EIF3H: variants seen among roughly 807,000 people sequenced by gnomAD.
The protein encoded by EIF3H is eukaryotic translation initiation factor 3 subunit H.
EIF3H carries 26 observed loss-of-function variants against 44.2 expected under a neutral mutation model. The ratio of observed to expected loss-of-function variants is 0.59; its 90% CI spans 0.43 to 0.82. The LOEUF (loss-of-function observed/expected upper bound fraction) is 0.82, where lower values mean the gene tolerates loss of function less well. EIF3H is among the 40% of genes least tolerant of loss of function. EIF3H has a pLI of 0.00. For synonymous variants in EIF3H, 166 were observed against 151.9 expected (o/e 1.09, Z -0.68); for missense variants, 359 against 432.8 (o/e 0.83, Z 1.51).
chr8:116,656,995 C>A (rs1813501558), intron 4 of EIF3H, among the ~76,000 whole-genome samples: 1 of 152,122 alleles, frequency 6.6e-6, no homozygotes, highest in African/African-American at 2.4e-5. Flanking sequence ...CCCATTCTAA[C>A]TGAATTCACC....
rs1320321888 is a variant in EIF3H at position 116,642,917 on chromosome 8, C to G, written c.*2089G>C. 6.6e-6 allele frequency: 1 copy of G among 152,098 alleles called. No homozygotes were observed. The highest frequency in any genetic ancestry group is 1.5e-5 in the Non-Finnish European group (1 of 68,034). The allele number at this position is 152,098 out of a possible 1,614,324, so 9.4% of individuals were successfully genotyped here. A position where few individuals can be genotyped will look rare whatever the true frequency, so the allele number is the denominator to read the frequency against. On this transcript the variant is annotated 3_prime_UTR_variant, in exon 8 of 8. Transcript: ENST00000521861. ...TTCATTAAGTGTGTATTCATGTTAC[C>G]AAGATATAGAAATCTAAACAATCAT...
At chr8:116,718,308 G>T (rs1044195000) in intron 2 of EIF3H, among the ~76,000 whole-genome samples, 6 of 152,090 alleles carry the variant, frequency 3.9e-5, no homozygotes, top group African/African-American at 1.2e-4. Flanking sequence ...ACAGTGTGTG[G>T]TGACTGCTTA....
At chr8:116,756,250 G>T (rs1399030924), upstream of EIF3H, among the ~76,000 whole-genome samples, 1 of 152,188 alleles carries the variant, frequency 6.6e-6, no homozygotes, top group Admixed American at 6.5e-5. Flanking sequence ...TGCACAGCTT[G>T]TTTTACGTAA....
intron 1 of EIF3H, among the ~76,000 whole-genome samples, chr8:116,741,832 A>G (rs1262580017): frequency 1.3e-5 from 2 of 152,212 alleles, no homozygotes; most frequent in East Asian, 3.8e-4. Context: ...TCTTTCACTG[A>G]CTGGTCTGTG....
chr8:116,644,186 T>C lies in EIF3H; in HGVS notation c.*820A>G, dbSNP rs546539780. 2.0e-5 allele frequency: 3 copies of C among 152,486 alleles called. No individual in the cohort carries two copies. The highest frequency in any genetic ancestry group is 2.1e-4 in the South Asian group (1 of 4,834). 9.4% of individuals were successfully genotyped at this position (152,486 alleles called of 1,614,324 possible). ...AGGTGAATCACTTGAGGTCAGGAGA[T>C]GCAGACCAGCCTGGCCAACATGGTG... On this transcript the variant is annotated 3_prime_UTR_variant, in exon 8 of 8. Coordinates refer to ENST00000521861, the MANE Select transcript of EIF3H (RefSeq NM_003756.3).
At chr8:116,663,524 T>C (rs958210343) in intron 2 of EIF3H, among the ~76,000 whole-genome samples, 3 of 152,180 alleles carry the variant, frequency 2.0e-5, no homozygotes, top group African/African-American at 7.2e-5. Context: ...TATTTTAAAA[T>C]TCATAATGTT....
chr8:116,695,664 G>A (rs867220213), intron 2 of EIF3H, among the ~76,000 whole-genome samples: 2 of 152,144 alleles, frequency 1.3e-5, no homozygotes, highest in Non-Finnish European at 2.9e-5. Flanking sequence ...CATCTGAGCA[G>A]GGTAAGGAAG....
chr8:116,658,647 G>T, intron 3 of EIF3H, 166 bp downstream of exon 3: 1 of 578,748 alleles, frequency 1.7e-6, no homozygotes, highest in Non-Finnish European at 2.8e-6. Context: ...TAAACAGAAA[G>T]AAGGAAACCC....
At chr8:116,749,218 T>C (rs1815288201) in intron 1 of EIF3H, among the ~76,000 whole-genome samples, 1 of 152,154 alleles carries the variant, frequency 6.6e-6, no homozygotes, top group Admixed American at 6.5e-5. Flanking sequence ...AGGGTTATCA[T>C]CTCAATGAGA....
At chr8:116,666,949 A>G (rs1041818524) in intron 2 of EIF3H, among the ~76,000 whole-genome samples, 5 of 152,204 alleles carry the variant, frequency 3.3e-5, no homozygotes, top group Admixed American at 1.3e-4. Flanking sequence ...CTGGGAAAGT[A>G]TAAGTGTGTG....
chr8:116,765,519 A>C (rs1303232716), exon 1 of EIF3H: 2 of 152,204 alleles, frequency 1.3e-5, no homozygotes, highest in African/African-American at 4.8e-5. Context: ...TTTTACCTTG[A>C]AGTGGATACT....
At position 116,655,932 on chromosome 8, in the gene EIF3H, T is replaced by A; in HGVS notation, c.631A>T (p.Ile211Phe). 6.2e-7 allele frequency: 1 copy of A among 1,613,698 alleles called. No homozygotes were observed. ...VPIVIKNSHL[I>F]NVLMWELEKK... ...TCAAGTTCCCACATTAGGACATTGA[T>A]CAGATGTGAATTTTTAATTACAATC... Residue 211 changes from isoleucine to phenylalanine, a missense_variant, in exon 5 of 8, where the codon ATC becomes TTC. Physicochemically the swap from Ile to Phe is conservative, Grantham distance 21. Coordinates refer to ENST00000521861, the MANE Select transcript of EIF3H (RefSeq NM_003756.3).
intron 2 of EIF3H, among the ~76,000 whole-genome samples, chr8:116,690,029 A>G (rs967225259): frequency 6.6e-6 from 1 of 152,346 alleles, no homozygotes; most frequent in Non-Finnish European, 1.5e-5. Context: ...ACCTGCTTAA[A>G]ATAATTTCCA....
chr8:116,758,471 G>T (rs1410613615), upstream of EIF3H, among the ~76,000 whole-genome samples: 1 of 152,116 alleles, frequency 6.6e-6, no homozygotes, highest in Non-Finnish European at 1.5e-5. Context: ...AAATCAATAG[G>T]ATATAAGGAA....
At chr8:116,682,742 T>C (rs142480081) in intron 2 of EIF3H, among the ~76,000 whole-genome samples, 85 of 152,350 alleles carry the variant, frequency 5.6e-4, no homozygotes, top group African/African-American at 2.0e-3. Context: ...GTTTGGTTTA[T>C]TGAGGGGTAA....
chr8:116,748,449 G>A (rs909310418), intron 1 of EIF3H, among the ~76,000 whole-genome samples: 3 of 152,184 alleles, frequency 2.0e-5, no homozygotes, highest in African/African-American at 4.8e-5. Context: ...ATATGAACAA[G>A]CCCAGAAAGC....
At chr8:116,755,849 TA>T (rs758907655), upstream of EIF3H, 17 of 1,603,002 alleles carry the variant, frequency 1.1e-5, no homozygotes, top group Middle Eastern at 3.3e-4. Context: ...GAAGCGGAAG[TA>T]CAAGTCTCGC....
intron 1 of EIF3H, among the ~76,000 whole-genome samples, chr8:116,733,614 A>C (rs535562514): frequency 2.0e-5 from 3 of 152,156 alleles, no homozygotes; most frequent in Non-Finnish European, 4.4e-5. Context: ...AATTTAAAAA[A>C]AAAACAAACT....
chr8:116,746,810 C>T (rs1332227563), intron 1 of EIF3H, among the ~76,000 whole-genome samples: 2 of 152,012 alleles, frequency 1.3e-5, no homozygotes, highest in Non-Finnish European at 1.5e-5. Context: ...GAATTTAATC[C>T]TCACTCACAA....
Sources: gnomAD v4.1 joint callset for allele counts (sites outside exome capture counted in the v4.1 genomes callset) on GRCh38, gnomAD v4.1.1 for gene constraint, MANE v1.5 for transcripts, NCBI Gene and HGNC (gene_info 2026-07-23, HGNC 2026-07-21) for gene names.